ARPP21: variants seen among roughly 807,000 people sequenced by gnomAD.
ARPP21 encodes cAMP regulated phosphoprotein 21.
ARPP21 carries 69 observed loss-of-function variants against 113.2 expected under a neutral mutation model. The ratio of observed to expected loss-of-function variants is 0.61; its 90% confidence interval spans 0.50 to 0.74. ARPP21 has a LOEUF of 0.74. Ranked by LOEUF, ARPP21 falls within the 30% of genes least tolerant of loss-of-function variation. The pLI, the probability that ARPP21 is intolerant of heterozygous loss-of-function variation, is 0.00. For missense variants in ARPP21, 1,070 were observed against 1,037.4 expected, an observed-to-expected ratio of 1.03 and a Z score of -0.43; for synonymous variants, 368 against 375.5, an observed-to-expected ratio of 0.98 and a Z score of 0.23.
chr3:35,694,476 C>CA (rs55693634), intron 9 of ARPP21, among the ~76,000 whole-genome samples: 17,410 of 150,966 alleles, frequency 0.12, 1,290 homozygotes, highest in South Asian at 0.23. Context: ...ACATTTAATA[C>CA]AAAAAAACCT....
At chr3:35,671,010 A>G (rs912983913) in intron 1 of ARPP21, among the ~76,000 whole-genome samples, 1 of 152,140 alleles carries the variant, frequency 6.6e-6, no homozygotes, top group Non-Finnish European at 1.5e-5. Context: ...CAGCTTAGAA[A>G]TAAAGGCTTT....
At chr3:35,726,548 A>C (rs1045831576) in intron 14 of ARPP21, among the ~76,000 whole-genome samples, 2 of 152,220 alleles carry the variant, frequency 1.3e-5, no homozygotes, top group Non-Finnish European at 2.9e-5. Context: ...GAATCAAATC[A>C]TTTACATTGT....
rs567653569 is a variant in ARPP21, at chr3:35,721,596, G to A, written c.996-9G>A. ...GTCCCTGTGCATCTTTCTGGTGGTC[G>A]TACTCCAGGGGCAACAGAGATGGCT... On this transcript the variant is annotated splice_polypyrimidine_tract_variant and intron_variant, in intron 13 of 20. Coordinates refer to ENST00000684406, the MANE Select transcript of ARPP21 (RefSeq NM_001385562.1). 2.1e-5 allele frequency: 32 copies of A among 1,530,798 alleles called. No homozygotes were observed. In the Middle Eastern group the frequency reaches 8.5e-4, roughly 41 times the overall value. The allele number at this position is 1,530,798 out of a possible 1,614,324, so 94.8% of individuals were successfully genotyped here.
At position 35,737,229 on chromosome 3, in the gene ARPP21, C is replaced by G; in HGVS notation, c.1511C>G (p.Thr504Ser). The change falls in exon 16 of 21, where the codon ACC (threonine) becomes AGC (serine). Residue 504 changes from threonine (T) to serine (S), a missense_variant. Thr to Ser is a moderately conservative substitution (Grantham distance 58). Transcript: ENST00000684406. ...ACTCCTGCAATATACAACCCACCCA[C>G]CAGTCAGCAGCCCCTGCGAAGCGCC... ...DGTPAIYNPP[T>S]SQQPLRSAMV... 2 of 1,613,154 alleles carry G rather than the reference C, an allele frequency of 1.2e-6. No homozygotes were observed. The highest frequency in any genetic ancestry group is 1.1e-5 in the South Asian group (1 of 90,802).
chr3:35,743,321 A>T (rs2094793924), intron 18 of ARPP21, among the ~76,000 whole-genome samples: 1 of 152,238 alleles, frequency 6.6e-6, no homozygotes, highest in African/African-American at 2.4e-5. Context: ...TCTTGTTTTA[A>T]AACAACCATT....
chr3:35,679,049 CA>C (rs1189149118), intron 1 of ARPP21, among the ~76,000 whole-genome samples: 4 of 151,904 alleles, frequency 2.6e-5, no homozygotes, highest in Non-Finnish European at 5.9e-5. Flanking sequence ...GGATTGTTTT[CA>C]ACAGGCTTGA....
At chr3:35,664,686 G>A (rs761055688) in intron 1 of ARPP21, among the ~76,000 whole-genome samples, 10 of 152,134 alleles carry the variant, frequency 6.6e-5, no homozygotes, top group Non-Finnish European at 1.3e-4. Flanking sequence ...GGTGGCGGCG[G>A]GGGCTGTGGC....
Position 35,679,880 on chromosome 3 carries a change from C to T in ARPP21, c.-119C>T, listed in dbSNP as rs2078421826. ...ATGGGACTCCAGTTGTCTCTGATCA[C>T]TTGTGTGGATTTTCCTGGCGTAGAA... is the stretch of plus-strand genomic sequence containing the variant. On this transcript the variant is annotated 5_prime_UTR_variant, in exon 2 of 21. Coordinates refer to ENST00000684406, the MANE Select transcript of ARPP21 (RefSeq NM_001385562.1). The T allele has an allele frequency of 1.3e-5, 2 of 152,312 alleles. No homozygotes were observed. Among genetic ancestry groups the T allele is most frequent in the African/African-American group, 4.8e-5 (2 of 41,414 alleles). 9.4% of individuals were successfully genotyped at this position (152,312 alleles called of 1,614,324 possible). A position where few individuals can be genotyped will look rare whatever the true frequency, so the allele number is the denominator to read the frequency against.
intron 1 of ARPP21, among the ~76,000 whole-genome samples, chr3:35,670,492 C>G (rs554589455): frequency 7.2e-5 from 11 of 152,050 alleles, no homozygotes; most frequent in Admixed American, 7.2e-4. Flanking sequence ...CTCCTGTGAT[C>G]GTAATTCTCA....
intron 5 of ARPP21, chr3:35,684,508 T>C: frequency 4.1e-6 from 4 of 983,484 alleles, no homozygotes; most frequent in Non-Finnish European, 4.8e-6. Context: ...CTTATTTTTG[T>C]TTGCCTTTCA....
At chr3:35,718,420 A>C (rs911489899) in intron 13 of ARPP21, among the ~76,000 whole-genome samples, 1 of 152,174 alleles carries the variant, frequency 6.6e-6, no homozygotes, top group Non-Finnish European at 1.5e-5. Flanking sequence ...GAGAAAAGCT[A>C]AAATTTACCA....
At position 35,666,746 on chromosome 3, in the gene ARPP21, A is replaced by G. The variant is rs557621256; in HGVS notation, c.-212-13041A>G. ...TATATTTCAACCACAAACATGCTTT[A>G]CAGTGTGATTAACACTGCAAACAGG... On this transcript the variant is annotated intron_variant, in intron 1 of 20. Coordinates refer to ENST00000684406, the MANE Select transcript of ARPP21 (RefSeq NM_001385562.1). Among the ~76,000 whole-genome samples, 4 of 152,302 alleles carry G rather than the reference A, an allele frequency of 2.6e-5. No homozygotes were observed. In the South Asian group the frequency reaches 8.3e-4, roughly 32 times the overall value.
chr3:35,701,980 C>T (rs1576029189), intron 9 of ARPP21, among the ~76,000 whole-genome samples: 2 of 151,656 alleles, frequency 1.3e-5, no homozygotes, highest in Admixed American at 6.6e-5. Context: ...ATCTATTATC[C>T]AGTAATTGGA....
intron 1 of ARPP21, among the ~76,000 whole-genome samples, chr3:35,664,131 G>A (rs1225952017): frequency 1.3e-5 from 2 of 152,132 alleles, no homozygotes; most frequent in African/African-American, 4.8e-5. Flanking sequence ...AGAACCCTGT[G>A]ACTTGAACAC....
At chr3:35,751,584 C>T (rs1051490072) in intron 19 of ARPP21, among the ~76,000 whole-genome samples, 2 of 152,130 alleles carry the variant, frequency 1.3e-5, no homozygotes, top group African/African-American at 4.8e-5. Flanking sequence ...TTTTCACTTA[C>T]ATTTAAGATA....
intron 15 of ARPP21, among the ~76,000 whole-genome samples, chr3:35,734,005 G>A (rs758761771): frequency 2.6e-5 from 4 of 152,116 alleles, no homozygotes; most frequent in Admixed American, 6.5e-5. Context: ...TACTTCCTTA[G>A]TTTTCATTGG....
intron 19 of ARPP21, among the ~76,000 whole-genome samples, chr3:35,762,120 T>TCACACACACACA (rs2095801828): frequency 6.9e-6 from 1 of 144,944 alleles, no homozygotes; most frequent in African/African-American, 2.7e-5. Context: ...TCTCTCTCTC[T>TCACACACACACA]CTCTCTCACA....
At chr3:35,718,541 C>T (rs1198779059) in intron 13 of ARPP21, among the ~76,000 whole-genome samples, 1 of 152,026 alleles carries the variant, frequency 6.6e-6, no homozygotes, top group Non-Finnish European at 1.5e-5. Flanking sequence ...AAATCTGTCC[C>T]CAAGCCAGAG....
intron 19 of ARPP21, among the ~76,000 whole-genome samples, chr3:35,772,338 A>C (rs1216545154): frequency 2.6e-5 from 4 of 152,200 alleles, no homozygotes; most frequent in African/African-American, 9.6e-5. Context: ...GAATTTTAGA[A>C]TGTTAGACTC....
Sources: allele counts gnomAD v4.1 joint callset (sites outside exome capture counted in the v4.1 genomes callset), GRCh38; gene constraint gnomAD v4.1.1; transcripts MANE v1.5; gene names NCBI Gene and HGNC (gene_info 2026-07-23, HGNC 2026-07-21).